The following UFD1 variants were observed in gnomAD, a reference collection of about 807,000 sequenced individuals.
The protein encoded by UFD1 is ubiquitin recognition factor in ER associated degradation 1.
Under a neutral mutation model 45.9 loss-of-function variants are expected in UFD1, and 13 were observed. The ratio of observed to expected loss-of-function variants is 0.28; its 90% CI spans 0.18 to 0.45. The LOEUF is 0.45. UFD1 is among the 20% of genes least tolerant of loss of function. UFD1 has a pLI of 1.00. For synonymous variants in UFD1, 128 were observed against 139.2 expected (o/e 0.92, Z 0.56); for missense variants, 218 against 389.2 (o/e 0.56, Z 3.70).
At chr22:19,469,857 G>C (rs926020805) in intron 4 of UFD1, 1 of 491,602 alleles carries the variant, frequency 2.0e-6, no homozygotes, top group Admixed American at 2.1e-5. Flanking sequence ...CTTTCCAGGG[G>C]AGAAAGGGTT....
At chr22:19,473,601 T>C (rs1373333769) in intron 3 of UFD1, among the ~76,000 whole-genome samples, 4 of 152,220 alleles carry the variant, frequency 2.6e-5, no homozygotes, top group African/African-American at 9.6e-5. Flanking sequence ...GTGAACTCCA[T>C]AGCTCTGTTG....
rs2146288225 is a variant in UFD1, at chr22:19,455,719, T to C, written c.728A>G (p.Glu243Gly). The C allele has an allele frequency of 1.2e-6, 2 of 1,614,102 alleles. No homozygotes were observed. The highest frequency in any genetic ancestry group is 2.2e-5 in the East Asian group (1 of 44,872). The part of the protein sequence containing the change: ...NRLDGKKKGV[E>G]PSPSPIKPGD... ...AGGCTTGATTGGGGAGGGGCTGGGC[T>C]CTACCCCTTTCTTCTTTCCATCCAG... Residue 243 changes from glutamate (E) to glycine (G), a missense_variant, in exon 10 of 12, where the codon GAG (glutamate) becomes GGG (glycine). Around this residue, in one of 2 missense-constraint regions of UFD1, gnomAD observed 69 missense variants for 81.7 expected, o/e 0.84. Coordinates refer to ENST00000263202, the MANE Select transcript of UFD1 (RefSeq NM_005659.7).
chr22:19,468,114 C>T (rs1288943286), intron 4 of UFD1, 111 bp from the exon 5 acceptor site: 9 of 1,421,560 alleles, frequency 6.3e-6, no homozygotes, highest in Admixed American at 2.4e-5. Flanking sequence ...GGAAGAGGAA[C>T]CTGAGCCAAG....
At chr22:19,457,997 C>T (rs1262453140) in intron 7 of UFD1, 74 bp downstream of exon 7, 1 of 1,533,286 alleles carries the variant, frequency 6.5e-7, no homozygotes, top group Non-Finnish European at 9.0e-7. Flanking sequence ...CTCCTGACAC[C>T]CTGGCCTGCA....
At chr22:19,471,936 C>T in intron 3 of UFD1, 128 bp from the exon 4 acceptor site, 2 of 1,342,292 alleles carry the variant, frequency 1.5e-6, no homozygotes, top group Non-Finnish European at 2.0e-6. Context: ...GCAGATGAAT[C>T]CCCCTCTGTG....
rs2089672532 is a variant in UFD1 at position 19,450,529 on chromosome 22, A to G, written c.*141T>C. ...CTGCTCCACTTCCAAGTCAAACTTAATAATTCTTAGGTAACTCTAAATAAA... is the reference window on the plus strand; with the variant it reads ...CTGCTCCACTTCCAAGTCAAACTTAGTAATTCTTAGGTAACTCTAAATAAA... On this transcript the variant is annotated 3_prime_UTR_variant, in exon 12 of 12. Coordinates refer to ENST00000263202, the MANE Select transcript of UFD1 (RefSeq NM_005659.7). 9.0e-7 allele frequency: 1 copy of G among 1,110,370 alleles called. No homozygotes were observed. The highest frequency in any genetic ancestry group is 2.4e-5 in the East Asian group (1 of 41,226). The allele number at this position is 1,110,370 out of a possible 1,614,324, so 68.8% of individuals were successfully genotyped here.
At chr22:19,470,720 G>C (rs1332004632) in intron 4 of UFD1, 1 of 454,700 alleles carries the variant, frequency 2.2e-6, no homozygotes, top group Non-Finnish European at 4.4e-6. Flanking sequence ...GGGATTAGAG[G>C]CGTGAGCCAC....
chr22:19,451,341 GT>G (rs2089681206), intron 11 of UFD1: 1 of 985,416 alleles, frequency 1.0e-6, no homozygotes, highest in Non-Finnish European at 1.2e-6. Flanking sequence ...CATTGTTGTG[GT>G]AAGCAGCTTA....
chr22:19,462,296 A>T (rs2089773372), intron 6 of UFD1, among the ~76,000 whole-genome samples: 1 of 152,020 alleles, frequency 6.6e-6, no homozygotes, highest in Non-Finnish European at 1.5e-5. Flanking sequence ...TACCACACCC[A>T]GCTTCAGCTA....
intron 10 of UFD1, among the ~76,000 whole-genome samples, chr22:19,455,395 C>A (rs1297535786): frequency 6.6e-6 from 1 of 152,166 alleles, no homozygotes; most frequent in African/African-American, 2.4e-5. Flanking sequence ...AGAGACAGAT[C>A]TAATCAGACT....
chr22:19,478,554 G>A (rs1202970192), intron 1 of UFD1, among the ~76,000 whole-genome samples: 1 of 149,646 alleles, frequency 6.7e-6, no homozygotes, highest in Non-Finnish European at 1.5e-5. Context: ...CTGTGTAACA[G>A]GAAATGTACC....
chr22:19,455,841 T>A (rs1051343238), intron 9 of UFD1, 73 bp from the exon 10 acceptor site: 2 of 1,406,668 alleles, frequency 1.4e-6, no homozygotes, highest in African/African-American at 2.8e-5. Context: ...TGGAGATCAC[T>A]GCAGGGATGT....
chr22:19,456,508 T>C, intron 9 of UFD1, 79 bp downstream of exon 9: 4 of 1,593,098 alleles, frequency 2.5e-6, no homozygotes, highest in East Asian at 4.5e-5. Context: ...TCGAGCATCA[T>C]GGAGAACACC....
At chr22:19,478,476 C>A (rs1309405680) in intron 1 of UFD1, among the ~76,000 whole-genome samples, 1 of 152,212 alleles carries the variant, frequency 6.6e-6, no homozygotes, top group African/African-American at 2.4e-5. Context: ...CATCATCATC[C>A]TTGCTTCCAA....
At chr22:19,471,157 C>G (rs761468456) in intron 4 of UFD1, 9 of 485,208 alleles carry the variant, frequency 1.9e-5, no homozygotes, top group Admixed American at 1.7e-4. Context: ...CTCACACGCC[C>G]TGGATATCCC....
At chr22:19,464,884 G>A (rs1325773459) in intron 6 of UFD1, among the ~76,000 whole-genome samples, 1 of 152,184 alleles carries the variant, frequency 6.6e-6, no homozygotes, top group African/African-American at 2.4e-5. Context: ...CCCTGCAAAG[G>A]GCTTAGCTCA....
intron 6 of UFD1, among the ~76,000 whole-genome samples, chr22:19,460,333 G>A (rs939480654): frequency 2.6e-5 from 4 of 152,082 alleles, no homozygotes; most frequent in African/African-American, 9.7e-5. Context: ...CAAATAATCA[G>A]TGGGTCATAA....
intron 11 of UFD1, 110 bp from the exon 12 acceptor site, chr22:19,450,854 G>A: frequency 6.4e-7 from 1 of 1,574,204 alleles, no homozygotes; most frequent in Non-Finnish European, 8.6e-7. Flanking sequence ...AAATATCTCA[G>A]GCTGGACACG....
chr22:19,454,854 GAA>G, intron 10 of UFD1, 24 bp from the exon 11 acceptor site: 1 of 1,603,082 alleles, frequency 6.2e-7, no homozygotes, highest in South Asian at 1.1e-5. Flanking sequence ...CAGAGACAGA[GAA>G]ATGTTATTTC....
Sources: allele counts gnomAD v4.1 joint callset (sites outside exome capture counted in the v4.1 genomes callset), GRCh38; gene constraint gnomAD v4.1.1; regional missense constraint gnomAD v4.1.1; transcripts MANE v1.5; gene names NCBI Gene and HGNC (gene_info 2026-07-23, HGNC 2026-07-21).